Variants in STARD13 observed in about 807,000 individuals in gnomAD.
The protein encoded by STARD13 is StAR related lipid transfer domain containing 13.
STARD13 carries 62 observed loss-of-function variants against 106.4 expected under a neutral mutation model. The ratio of observed to expected loss-of-function variants is 0.58; its 90% CI spans 0.48 to 0.72. The LOEUF (loss-of-function observed/expected upper bound fraction) is 0.72, where lower values mean the gene tolerates loss of function less well. Ranked by LOEUF, STARD13 falls within the 30% of genes least tolerant of loss-of-function variation. STARD13 has a pLI of 0.00. For synonymous variants in STARD13, 565 were observed against 553.0 expected (o/e 1.02, Z -0.31); for missense variants, 1,387 against 1,424.0 (o/e 0.97, Z 0.42).
At chr13:33,331,730 C>G (rs2077838987) in intron 1 of STARD13, among the ~76,000 whole-genome samples, 1 of 151,896 alleles carries the variant, frequency 6.6e-6, no homozygotes, top group Non-Finnish European at 1.5e-5. Flanking sequence ...AAATTAGGGT[C>G]TTTTTCATCT....
the STARD13 span, among the ~76,000 whole-genome samples, chr13:33,586,631 G>T: frequency 2.0e-5 from 3 of 152,110 alleles, no homozygotes; most frequent in Non-Finnish European, 4.4e-5. Context: ...GAAAGAGCCG[G>T]GTGTTAAATA....
At chr13:33,462,648 A>T in the STARD13 span, among the ~76,000 whole-genome samples, 1 of 152,202 alleles carries the variant, frequency 6.6e-6, no homozygotes, top group Admixed American at 6.5e-5. Flanking sequence ...CAAGAGTCCA[A>T]AAGCTGAAGG....
chr13:33,499,519 T>TTTCCTCTTCTTC, the STARD13 span, among the ~76,000 whole-genome samples: 1 of 91,888 alleles, frequency 1.1e-5, no homozygotes, highest in Non-Finnish European at 2.4e-5. Context: ...TTCTTCTTTC[T>TTTCCTCTTCTTC]TTCTTCTTCT....
chr13:33,350,162 C>G, intron 1 of STARD13: 1 of 1,255,746 alleles, frequency 8.0e-7, no homozygotes, highest in Non-Finnish European at 1.0e-6. Flanking sequence ...GCAGCCCGCT[C>G]GCCCCGGCCT....
At chr13:33,473,719 G>A in the STARD13 span, among the ~76,000 whole-genome samples, 1 of 152,298 alleles carries the variant, frequency 6.6e-6, no homozygotes, top group African/African-American at 2.4e-5. Flanking sequence ...TTTAGCTGTA[G>A]GTGAATTTCA....
At chr13:33,609,105 A>AAAGAAAAAG in the STARD13 span, among the ~76,000 whole-genome samples, 1 of 133,168 alleles carries the variant, frequency 7.5e-6, no homozygotes, top group Non-Finnish European at 1.5e-5. Context: ...AAAAAAAAAA[A>AAAGAAAAAG]AAATATTGAT....
At chr13:33,277,995 T>C (rs1048903920) in intron 1 of STARD13, among the ~76,000 whole-genome samples, 4 of 152,192 alleles carry the variant, frequency 2.6e-5, no homozygotes, top group African/African-American at 9.6e-5. Flanking sequence ...AACTTCAAAG[T>C]ATCTACTGCC....
chr13:33,421,462 C>T, the STARD13 span, among the ~76,000 whole-genome samples: 11 of 152,122 alleles, frequency 7.2e-5, no homozygotes, highest in African/African-American at 2.7e-4. Flanking sequence ...TAATAGCCTA[C>T]CAACCAAAAA....
At chr13:33,377,281 AAAC>A in the STARD13 span, among the ~76,000 whole-genome samples, 2 of 151,064 alleles carry the variant, frequency 1.3e-5, no homozygotes, top group Non-Finnish European at 2.9e-5. Context: ...CTGAAGCAGC[AAAC>A]AAGAGCCACG....
chr13:33,533,302 C>G, the STARD13 span, among the ~76,000 whole-genome samples: 2 of 152,160 alleles, frequency 1.3e-5, no homozygotes, highest in African/African-American at 2.4e-5. Flanking sequence ...CCAACCCCCA[C>G]AGGCCTTTCT....
intron 1 of STARD13, among the ~76,000 whole-genome samples, chr13:33,190,906 C>G (rs996250079): frequency 1.3e-5 from 2 of 152,064 alleles, no homozygotes; most frequent in African/African-American, 4.8e-5. Context: ...TATTAAAGTA[C>G]TGAATATAAA....
the STARD13 span, among the ~76,000 whole-genome samples, chr13:33,386,600 G>C: frequency 6.6e-6 from 1 of 152,118 alleles, no homozygotes; most frequent in Admixed American, 6.6e-5. Flanking sequence ...AGGGACGTGT[G>C]CCCACTGCCA....
At chr13:33,164,745 G>A (rs1171258384) in intron 3 of STARD13, among the ~76,000 whole-genome samples, 1 of 152,118 alleles carries the variant, frequency 6.6e-6, no homozygotes, top group Non-Finnish European at 1.5e-5. Flanking sequence ...GTTTTAAGGG[G>A]AAGAAATTAT....
At chr13:33,461,516 T>G in the STARD13 span, among the ~76,000 whole-genome samples, 1 of 152,174 alleles carries the variant, frequency 6.6e-6, no homozygotes, top group South Asian at 2.1e-4. Context: ...AGGTTTGTAT[T>G]AGGTCTTATT....
the STARD13 span, among the ~76,000 whole-genome samples, chr13:33,499,528 CTTCTT>C: frequency 2.3e-5 from 1 of 44,088 alleles, no homozygotes; most frequent in Non-Finnish European, 4.5e-5. Context: ...CTTTCTTCTT[CTTCTT>C]CTTCTTCTTC....
the STARD13 span, among the ~76,000 whole-genome samples, chr13:33,489,041 C>A: frequency 6.6e-6 from 1 of 152,144 alleles, no homozygotes; most frequent in Non-Finnish European, 1.5e-5. Flanking sequence ...TGGGAGTCAC[C>A]CTTCATTCTT....
the STARD13 span, among the ~76,000 whole-genome samples, chr13:33,597,395 T>C: frequency 6.6e-6 from 1 of 152,270 alleles, no homozygotes; most frequent in Middle Eastern, 3.4e-3. Context: ...TTTCTCTTTT[T>C]TTTTTGCTGT....
the STARD13 span, among the ~76,000 whole-genome samples, chr13:33,675,026 C>T: frequency 6.6e-6 from 1 of 152,204 alleles, no homozygotes; most frequent in Non-Finnish European, 1.5e-5. Flanking sequence ...CACCTACATC[C>T]TGGGTGTCCT....
chr13:33,296,554 C>T (rs551286819), intron 1 of STARD13, among the ~76,000 whole-genome samples: 1 of 152,062 alleles, frequency 6.6e-6, no homozygotes, highest in Non-Finnish European at 1.5e-5. Context: ...AGCATCTCCC[C>T]CATTCCGCAT....
Sources: gnomAD v4.1 joint callset for allele counts (sites outside exome capture counted in the v4.1 genomes callset) on GRCh38, gnomAD v4.1.1 for gene constraint, MANE v1.5 for transcripts, NCBI Gene and HGNC (gene_info 2026-07-23, HGNC 2026-07-21) for gene names.